The following CACNA1B variants were observed in gnomAD, a reference collection of about 807,000 sequenced individuals.
The protein encoded by CACNA1B is calcium voltage-gated channel subunit alpha1 B, also known as voltage-dependent N-type calcium channel subunit alpha-1B.
A neutral mutation model predicts 247.2 loss-of-function variants in CACNA1B; 70 were observed. The observed-to-expected ratio is 0.28, with a 90% CI of 0.23 to 0.35. The LOEUF is 0.35. Among genes scored for constraint, CACNA1B ranks in the 10% least tolerant of loss-of-function variants. The pLI is 1.00. For synonymous variants in CACNA1B, 1,231 were observed against 1,294.4 expected, an observed-to-expected ratio of 0.95 and a Z score of 1.05; for missense variants, 2,367 against 3,197.4, an observed-to-expected ratio of 0.74 and a Z score of 6.26.
At chr9:138,013,059 T>TA (rs1477518399) in intron 17 of CACNA1B, 70 bp from the exon 18 acceptor site, 13 of 1,112,362 alleles carry the variant, frequency 1.2e-5, no homozygotes, top group Non-Finnish European at 1.4e-5. Context: ...GAGCTGATGT[T>TA]ATATATAGCC....
intron 15 of CACNA1B, among the ~76,000 whole-genome samples, chr9:137,999,650 T>C (rs141020626): frequency 3.3e-5 from 5 of 151,790 alleles, no homozygotes; most frequent in African/African-American, 1.2e-4. Context: ...GCTGGGGCCA[T>C]AGGCACACAC....
At chr9:137,936,263 A>C (rs995500686) in intron 6 of CACNA1B, among the ~76,000 whole-genome samples, 1 of 152,134 alleles carries the variant, frequency 6.6e-6, no homozygotes, top group South Asian at 2.1e-4. Flanking sequence ...GCGTTTTTTC[A>C]TGTGCCTGTT....
chr9:138,106,706 G>A (rs183156848), intron 39 of CACNA1B, among the ~76,000 whole-genome samples: 2 of 152,220 alleles, frequency 1.3e-5, no homozygotes, highest in Admixed American at 6.5e-5. Context: ...GGAGGTTGCA[G>A]TGAGCTGAGA....
chr9:137,942,178 C>T (rs554817014), intron 6 of CACNA1B, among the ~76,000 whole-genome samples: 107 of 152,124 alleles, frequency 7.0e-4, no homozygotes, highest in Non-Finnish European at 1.4e-3. Flanking sequence ...CATGAATAGA[C>T]GATTCTCAAA....
At chr9:138,118,505 G>A (rs1381103643) in intron 43 of CACNA1B, 147 bp from the exon 44 acceptor site, 3 of 576,764 alleles carry the variant, frequency 5.2e-6, no homozygotes, top group South Asian at 4.3e-5. Context: ...AGACTGGGGT[G>A]GGGGACGTGT....
intron 36 of CACNA1B, among the ~76,000 whole-genome samples, chr9:138,092,433 A>G (rs906837613): frequency 6.6e-6 from 1 of 152,232 alleles, no homozygotes; most frequent in African/African-American, 2.4e-5. Flanking sequence ...GAAGAGAAAT[A>G]TGGCTCTGTT....
chr9:138,100,561 G>T lies in CACNA1B; in HGVS notation c.5223-2150G>T, dbSNP rs538702453. On this transcript the variant is annotated intron_variant, in intron 37 of 46. Transcript: ENST00000371372. This position sits in a 1 kb window ranked among gnomAD's most constrained non-coding sequence, Gnocchi z 4.6. The stretch of plus-strand genomic sequence containing the variant: ...AACATGATTTGGAGCTGATTGGACC[G>T]AGGGGGCTACACTGTAGGAGAGAGG... Among the ~76,000 whole-genome samples, 1 of 152,148 alleles carries T rather than the reference G, an allele frequency of 6.6e-6. No individual in the cohort carries two copies. Among genetic ancestry groups the T allele is most frequent in the African/African-American group, 2.4e-5 (1 of 41,438 alleles).
At chr9:138,015,136 A>C (rs933468331) in intron 18 of CACNA1B, among the ~76,000 whole-genome samples, 3 of 151,866 alleles carry the variant, frequency 2.0e-5, no homozygotes, top group African/African-American at 7.3e-5. Flanking sequence ...TCCTCAACTC[A>C]AGCAGGCTGC....
At position 138,105,731 on chromosome 9, in the gene CACNA1B, C is replaced by T. The variant is rs199695500; in HGVS notation, c.5352C>T (p.Asn1784=). 137 of 1,564,100 alleles carry T rather than the reference C, an allele frequency of 8.8e-5. No individual in the cohort carries two copies. The highest frequency in any genetic ancestry group is 1.1e-4 in the Non-Finnish European group (131 of 1,155,112). The part of the protein sequence containing the change: ...RLVRMNMPIS[N]EDMTVHFTST... ...TTCGCATGAACATGCCCATCTCCAA[C>T]GAGGACATGACTGTTCACTTCACGT... The change falls in exon 39 of 47, where the codon AAC becomes AAT. Residue 1784 remains asparagine, a synonymous_variant. Transcript: ENST00000371372.
chr9:138,046,778 C>T (rs1959189167), intron 21 of CACNA1B, 126 bp from the exon 22 acceptor site: 2 of 871,442 alleles, frequency 2.3e-6, no homozygotes, highest in East Asian at 2.6e-5. Flanking sequence ...CAAAGCGAAG[C>T]TCTGGGGCCA....
At position 138,078,059 on chromosome 9, in the gene CACNA1B, G is replaced by T. The variant is rs1000269828; in HGVS notation, c.4950-55G>T. On this transcript the variant is annotated intron_variant, in intron 35 of 46. Coordinates refer to ENST00000371372, the MANE Select transcript of CACNA1B (RefSeq NM_000718.4). ...TGGGCACGCTTGGTAGCCCCACAGG[G>T]CTCGGGCTCCCTCAAGGGCCTCTGT... The T allele has an allele frequency of 8.9e-5, 139 of 1,566,694 alleles. 1 individual carries two copies. The highest frequency in any genetic ancestry group is 2.3e-5 in the Non-Finnish European group (26 of 1,146,696).
At chr9:137,935,486 T>C (rs898894152) in intron 6 of CACNA1B, among the ~76,000 whole-genome samples, 23 of 152,340 alleles carry the variant, frequency 1.5e-4, no homozygotes, top group African/African-American at 5.3e-4. Flanking sequence ...GCCACATTTT[T>C]CTAATCCAGT....
At chr9:137,948,134 C>T (rs1001714577) in intron 6 of CACNA1B, among the ~76,000 whole-genome samples, 6 of 152,114 alleles carry the variant, frequency 3.9e-5, no homozygotes, top group African/African-American at 1.4e-4. Context: ...GCATGCACCA[C>T]CATGCCTGGC....
intron 20 of CACNA1B, among the ~76,000 whole-genome samples, chr9:138,039,482 C>T (rs73669839): frequency 0.028 from 4,218 of 152,186 alleles, 125 homozygotes; most frequent in African/African-American, 0.072. Flanking sequence ...AACAAACTCT[C>T]GTTACTCTAA....
At chr9:137,883,675 G>T (rs1397290571) in intron 3 of CACNA1B, among the ~76,000 whole-genome samples, 1 of 152,014 alleles carries the variant, frequency 6.6e-6, no homozygotes, top group African/African-American at 2.4e-5. Context: ...TGGTGGCTGG[G>T]GAGTGAGTGC....
intron 15 of CACNA1B, among the ~76,000 whole-genome samples, chr9:137,998,338 C>T (rs868540374): frequency 2.0e-5 from 3 of 152,146 alleles, no homozygotes; most frequent in Non-Finnish European, 2.9e-5. Flanking sequence ...AGGCCGGGCA[C>T]GGTGGCTCAT....
chr9:138,110,303 C>T (rs932421669), intron 39 of CACNA1B, among the ~76,000 whole-genome samples: 2 of 151,750 alleles, frequency 1.3e-5, no homozygotes, highest in East Asian at 1.9e-4. Flanking sequence ...TTAGTAGAGA[C>T]GGGGTTTCAC....
At chr9:137,968,846 T>C (rs1208511859) in intron 10 of CACNA1B, among the ~76,000 whole-genome samples, 2 of 152,248 alleles carry the variant, frequency 1.3e-5, no homozygotes, top group Admixed American at 6.5e-5. Flanking sequence ...CATAGGTTAA[T>C]GTAATATGGA....
At chr9:137,939,847 T>TAAATAAAA (rs1224121843) in intron 6 of CACNA1B, among the ~76,000 whole-genome samples, 2 of 95,000 alleles carry the variant, frequency 2.1e-5, no homozygotes, top group African/African-American at 4.8e-5. Context: ...AATAAATAAA[T>TAAATAAAA]AAAAAAAAAT....
Sources: allele counts gnomAD v4.1 joint callset (sites outside exome capture counted in the v4.1 genomes callset), GRCh38; gene constraint gnomAD v4.1.1; non-coding constraint Gnocchi (gnomAD v3.1); transcripts MANE v1.5; gene names NCBI Gene and HGNC (gene_info 2026-07-23, HGNC 2026-07-21).